Variants in TBC1D8 observed in about 807,000 individuals in gnomAD.
TBC1D8 encodes the protein BUB2-like protein 1.
TBC1D8 carries 65 observed loss-of-function variants against 118.8 expected under a neutral mutation model. The observed-to-expected ratio is 0.55, with a 90% CI of 0.45 to 0.67. TBC1D8 has a LOEUF of 0.67. TBC1D8 is among the 30% of genes least tolerant of loss of function. The pLI is 0.00. For synonymous variants in TBC1D8, 566 were observed against 595.8 expected (o/e 0.95, Z 0.73); for missense variants, 1,376 against 1,471.2 (o/e 0.94, Z 1.06).
chr2:101,014,481 C>T (rs1679466641), intron 17 of TBC1D8, among the ~76,000 whole-genome samples: 1 of 152,166 alleles, frequency 6.6e-6, no homozygotes, highest in South Asian at 2.1e-4. Flanking sequence ...ATTTCATCAA[C>T]ACATCATCCC....
At chr2:101,101,555 C>A (rs906663797) in intron 1 of TBC1D8, among the ~76,000 whole-genome samples, 1 of 151,938 alleles carries the variant, frequency 6.6e-6, no homozygotes. Flanking sequence ...GGGTATATAC[C>A]CAAAGGAATA....
chr2:101,100,014 C>T (rs902319576), intron 1 of TBC1D8, among the ~76,000 whole-genome samples: 1 of 152,006 alleles, frequency 6.6e-6, no homozygotes, highest in Non-Finnish European at 1.5e-5. Flanking sequence ...CTGGCCAGGG[C>T]AATCAGACAA....
chr2:101,095,702 T>C (rs1676376173), intron 1 of TBC1D8, among the ~76,000 whole-genome samples: 1 of 152,124 alleles, frequency 6.6e-6, no homozygotes, highest in African/African-American at 2.4e-5. Flanking sequence ...CTCAGGGATC[T>C]AGAACTAGAA....
In TBC1D8 at chr2:101,033,613, C is replaced by A. The variant is rs371476241; in HGVS notation, c.1749G>T (p.Thr583=). ...LPEHPAFQNE[T]GIAALRRVLT... Reference sequence around the variant, plus strand: ...AGACTCTCCTCAAAGCAGCAATTCCCGTTTCGTTCTGGAAGGCGGGGTGCT... The same window carrying A: ...AGACTCTCCTCAAAGCAGCAATTCCAGTTTCGTTCTGGAAGGCGGGGTGCT... Residue 583 remains threonine, a synonymous_variant, in exon 10 of 20, where the codon ACG becomes ACT. Coordinates refer to ENST00000409318, the MANE Select transcript of TBC1D8 (RefSeq NM_001330348.2). 4.7e-5 allele frequency: 76 copies of A among 1,613,804 alleles called. No homozygotes were observed. The highest frequency in any genetic ancestry group is 5.3e-5 in the Non-Finnish European group (63 of 1,179,886).
chr2:101,123,257 G>C (rs1300062304), intron 1 of TBC1D8, among the ~76,000 whole-genome samples: 2 of 152,080 alleles, frequency 1.3e-5, no homozygotes, highest in Admixed American at 6.5e-5. Context: ...GGCTTTTCTA[G>C]ATAGAAGATC....
intron 8 of TBC1D8, 73 bp downstream of exon 8, chr2:101,037,459 C>T (rs1259065938): frequency 3.2e-6 from 5 of 1,560,248 alleles, no homozygotes; most frequent in Non-Finnish European, 3.5e-6. Flanking sequence ...CATGGTGACT[C>T]AGACAGCTGG....
intron 19 of TBC1D8, among the ~76,000 whole-genome samples, chr2:101,008,678 GACCCA>G (rs1678937524): frequency 6.6e-6 from 1 of 152,148 alleles, no homozygotes; most frequent in East Asian, 1.9e-4. Context: ...CAGGCATGGT[GACCCA>G]TGCCTGCAAT....
intron 2 of TBC1D8, among the ~76,000 whole-genome samples, chr2:101,070,735 C>T (rs772857686): frequency 6.6e-6 from 1 of 152,116 alleles, no homozygotes; most frequent in African/African-American, 2.4e-5. Context: ...TTTTAAGAAA[C>T]CCTCACCTAT....
intron 1 of TBC1D8, among the ~76,000 whole-genome samples, chr2:101,143,540 T>A (rs1167673108): frequency 6.6e-6 from 1 of 152,112 alleles, no homozygotes; most frequent in Non-Finnish European, 1.5e-5. Flanking sequence ...TACATCAAGG[T>A]TACCAATAGG....
chr2:101,058,089 C>T (rs1682543274), intron 3 of TBC1D8, among the ~76,000 whole-genome samples: 1 of 152,208 alleles, frequency 6.6e-6, no homozygotes, highest in Non-Finnish European at 1.5e-5. Flanking sequence ...TGGGGCCTTT[C>T]TGTAGCTACC....
rs1460633946 is a variant in TBC1D8 at position 101,087,912 on chromosome 2, C to G, written c.283+2297G>C. The stretch of plus-strand genomic sequence containing the variant: ...ACATTGTTTTTCAAAAGCCACAATT[C>G]TAACCTTTTAATGCTTTCAAAAATC... On this transcript the variant is annotated intron_variant, in intron 2 of 19. Transcript: ENST00000409318. Among the ~76,000 whole-genome samples, 8 of 152,196 alleles carry G rather than the reference C, an allele frequency of 5.3e-5. No homozygotes were observed. In the East Asian group the frequency reaches 1.5e-3, roughly 29 times the overall value.
At chr2:101,110,137 C>A (rs551850502) in intron 1 of TBC1D8, among the ~76,000 whole-genome samples, 1 of 152,352 alleles carries the variant, frequency 6.6e-6, no homozygotes, top group East Asian at 1.9e-4. Flanking sequence ...TAATAATTTG[C>A]TTCTAAGCAA....
At chr2:101,136,156 G>T (rs1023382031) in intron 1 of TBC1D8, among the ~76,000 whole-genome samples, 1 of 152,084 alleles carries the variant, frequency 6.6e-6, no homozygotes, top group Non-Finnish European at 1.5e-5. Context: ...CTGGCCTCAC[G>T]TTGAAATTTG....
intron 5 of TBC1D8, among the ~76,000 whole-genome samples, chr2:101,049,993 A>T (rs1681958041): frequency 6.6e-6 from 1 of 151,502 alleles, no homozygotes; most frequent in African/African-American, 2.4e-5. Context: ...CACCCAGCCA[A>T]TTTTTTTGTA....
At chr2:101,018,880 A>G (rs1198742269) in intron 17 of TBC1D8, 6 of 1,333,704 alleles carry the variant, frequency 4.5e-6, no homozygotes, top group African/African-American at 1.4e-5. Flanking sequence ...AAAATGGCCA[A>G]TATCCGTAGG....
At chr2:101,087,762 A>G (rs2105454167) in intron 2 of TBC1D8, among the ~76,000 whole-genome samples, 1 of 152,348 alleles carries the variant, frequency 6.6e-6, no homozygotes, top group Middle Eastern at 3.4e-3. Context: ...CAGAATGGAA[A>G]GTACAATGTA....
In TBC1D8 at chr2:101,029,691, G is replaced by A; in HGVS notation, c.2022C>T (p.Ala674=). The stretch of plus-strand genomic sequence containing the variant: ...ACCACGAGAGAGAGACGGACGCCAG[G>A]GCTGAGAGGTCGTTCATGTGCTCTG... ...ELAEHMNDLS[A]LASVSLSWFL... The change falls in exon 12 of 20, where the codon GCC becomes GCT. Residue 674 remains alanine, a synonymous_variant. Coordinates refer to ENST00000409318, the MANE Select transcript of TBC1D8 (RefSeq NM_001330348.2). 6.2e-7 allele frequency: 1 copy of A among 1,614,022 alleles called. No homozygotes were observed.
chr2:101,122,728 A>T lies in TBC1D8; in HGVS notation c.127+28399T>A, dbSNP rs546337257. ...AAACTCATAGACTATTTGAGTTTTC[A>T]ATTAAAGGATTTAAAATAAACTTTT... On this transcript the variant is annotated intron_variant, in intron 1 of 19. Coordinates refer to ENST00000409318, the MANE Select transcript of TBC1D8 (RefSeq NM_001330348.2). Among the ~76,000 whole-genome samples the T allele has an allele frequency of 2.0e-5, 3 of 152,298 alleles. No homozygotes were observed. The South Asian group carries it at 6.2e-4, about 32-fold the overall frequency.
chr2:101,110,866 T>G (rs1677541880), intron 1 of TBC1D8, among the ~76,000 whole-genome samples: 1 of 150,390 alleles, frequency 6.6e-6, no homozygotes, highest in Non-Finnish European at 1.5e-5. Context: ...CCTGGCTACT[T>G]GGGAAGCTGA....
Sources: gnomAD v4.1 joint callset for allele counts (sites outside exome capture counted in the v4.1 genomes callset) on GRCh38, gnomAD v4.1.1 for gene constraint, MANE v1.5 for transcripts, NCBI Gene and HGNC (gene_info 2026-07-23, HGNC 2026-07-21) for gene names.